Variants in PRKN observed in about 807,000 individuals in gnomAD.
The protein encoded by PRKN is parkin RBR E3 ubiquitin protein ligase.
PRKN carries 56 observed loss-of-function variants against 59.5 expected under a neutral mutation model. The observed-to-expected ratio is 0.94, with a 90% CI of 0.76 to 1.18. The LOEUF is 1.18. Ranked by LOEUF, PRKN falls within the 50% of genes most tolerant of loss-of-function variation. The probability of loss-of-function intolerance (pLI) is 0.00; values close to 1 mark genes in which losing one functional copy is unlikely to be tolerated. For missense variants in PRKN, 657 were observed against 596.4 expected, an observed-to-expected ratio of 1.10 and a Z score of -1.06; for synonymous variants, 250 against 222.1, an observed-to-expected ratio of 1.13 and a Z score of -1.12.
At position 162,262,827 on chromosome 6, in the gene PRKN, A is replaced by G. The variant is rs1779955022; in HGVS notation, c.172-62T>C. The G allele has an allele frequency of 1.5e-5, 23 of 1,585,010 alleles. 1 individual carries two copies. In the South Asian group the frequency reaches 2.5e-4, roughly 17 times the overall value. On this transcript the variant is annotated intron_variant, in intron 2 of 11. Coordinates refer to ENST00000366898, the MANE Select transcript of PRKN (RefSeq NM_004562.3). ...AAGGAAATGTCAAACATGAAATGCG[A>G]GATAGAGTTTAACTTGCCCTCCGTG...
At chr6:162,353,403 C>T (rs578235646) in intron 2 of PRKN, among the ~76,000 whole-genome samples, 46 of 151,730 alleles carry the variant, frequency 3.0e-4, no homozygotes, top group African/African-American at 1.0e-3. Context: ...AGCAGCTATT[C>T]TTTCACATAT....
intron 1 of PRKN, among the ~76,000 whole-genome samples, chr6:162,697,891 A>C (rs1318478992): frequency 2.0e-5 from 3 of 152,222 alleles, no homozygotes; most frequent in Non-Finnish European, 2.9e-5. Flanking sequence ...CAATTGGATA[A>C]GCAATGAATA....
chr6:161,600,866 G>A (rs1782080087), intron 7 of PRKN, among the ~76,000 whole-genome samples: 1 of 151,928 alleles, frequency 6.6e-6, no homozygotes, highest in Admixed American at 6.6e-5. Flanking sequence ...ACAGGTCAGG[G>A]CAAAAATTAG....
chr6:161,763,169 A>T (rs1247236597), intron 7 of PRKN, among the ~76,000 whole-genome samples: 1 of 152,148 alleles, frequency 6.6e-6, no homozygotes, highest in Non-Finnish European at 1.5e-5. Context: ...GAATCACGCA[A>T]ATGTCTTTGA....
chr6:162,109,497 A>C (rs1780332063), intron 4 of PRKN, among the ~76,000 whole-genome samples: 1 of 152,208 alleles, frequency 6.6e-6, no homozygotes, highest in South Asian at 2.1e-4. Flanking sequence ...CAGAGATGAT[A>C]CAGGGACCAG....
chr6:162,303,029 T>C (rs1782037730), intron 2 of PRKN, among the ~76,000 whole-genome samples: 1 of 148,212 alleles, frequency 6.7e-6, no homozygotes. Context: ...AGAAAGCAGT[T>C]ACGTGACTTT....
chr6:162,102,560 T>C (rs1343423913), intron 4 of PRKN, among the ~76,000 whole-genome samples: 3 of 152,210 alleles, frequency 2.0e-5, no homozygotes, highest in Non-Finnish European at 4.4e-5. Flanking sequence ...TGCTGCATTC[T>C]GGAGACGACC....
rs982316 is a variant in PRKN, at chr6:161,554,734, G to A, written c.934-5731C>T. The stretch of plus-strand genomic sequence containing the variant: ...GGATTGTGTGTGTGTGTGTGTGTGT[G>A]TATATATATATATATATATACATAC... On this transcript the variant is annotated intron_variant, in intron 8 of 11. Coordinates refer to ENST00000366898, the MANE Select transcript of PRKN (RefSeq NM_004562.3). The surrounding 1 kb of genome is among the most constrained non-coding windows in gnomAD (Gnocchi z 4.5). Among the ~76,000 whole-genome samples, 55,943 of 140,526 alleles carry A rather than the reference G, an allele frequency of 0.4. 12,184 individuals are homozygous for A. Among genetic ancestry groups the A allele is most frequent in the East Asian group, 0.62 (2,975 of 4,794 alleles). 92.2% of individuals were successfully genotyped at this position (140,526 alleles called of 152,430 possible).
intron 4 of PRKN, among the ~76,000 whole-genome samples, chr6:162,106,175 G>A (rs1780186177): frequency 6.6e-6 from 1 of 152,208 alleles, no homozygotes; most frequent in Non-Finnish European, 1.5e-5. Flanking sequence ...GTAAGTACGG[G>A]AAGAGGATGG....
intron 7 of PRKN, among the ~76,000 whole-genome samples, chr6:161,708,055 G>A (rs541920268): frequency 4.6e-5 from 7 of 152,052 alleles, no homozygotes; most frequent in Admixed American, 6.6e-5. Context: ...TTAGTGTCTA[G>A]AATCATACCT....
At chr6:162,122,777 T>C (rs1780969850) in intron 4 of PRKN, among the ~76,000 whole-genome samples, 1 of 151,808 alleles carries the variant, frequency 6.6e-6, no homozygotes, top group Admixed American at 6.6e-5. Flanking sequence ...ATATTTGAAT[T>C]CTTATATATG....
Position 161,491,710 on chromosome 6 carries a change from A to G in PRKN, c.1083+57144T>C, listed in dbSNP as rs1328552227. Among the ~76,000 whole-genome samples, 3 of 151,896 alleles carry G rather than the reference A, an allele frequency of 2.0e-5. No homozygotes were observed. The East Asian group carries it at 5.8e-4, about 30-fold the overall frequency. On this transcript the variant is annotated intron_variant, in intron 9 of 11. Transcript: ENST00000366898. ...CAATGGCGCGATCTTGGCTCACTGGAACCTCTGCCTCCCAGGTTCAAGCAA... is the reference window on the plus strand; with the variant it reads ...CAATGGCGCGATCTTGGCTCACTGGGACCTCTGCCTCCCAGGTTCAAGCAA...
At chr6:162,431,531 C>A (rs1240837680) in intron 2 of PRKN, among the ~76,000 whole-genome samples, 1 of 151,934 alleles carries the variant, frequency 6.6e-6, no homozygotes, top group Non-Finnish European at 1.5e-5. Context: ...GCACTCCAGC[C>A]TGGGCTACAG....
intron 9 of PRKN, among the ~76,000 whole-genome samples, chr6:161,412,111 T>C (rs1787590965): frequency 1.3e-5 from 2 of 149,694 alleles, no homozygotes; most frequent in African/African-American, 5.0e-5. Flanking sequence ...ACTCACTCAT[T>C]CCTCCACTCA....
chr6:161,972,397 C>T (rs1445776244), intron 6 of PRKN, among the ~76,000 whole-genome samples: 2 of 152,080 alleles, frequency 1.3e-5, no homozygotes, highest in Non-Finnish European at 2.9e-5. Context: ...TCTGTCCATT[C>T]GGAAAGTGTA....
chr6:162,020,037 T>A (rs1582904681), intron 5 of PRKN, among the ~76,000 whole-genome samples: 1 of 148,776 alleles, frequency 6.7e-6, no homozygotes, highest in Non-Finnish European at 1.5e-5. Flanking sequence ...AAAAAAAAAA[T>A]ATCACAAAGT....
chr6:161,915,047 G>A (rs1417159289), intron 6 of PRKN, among the ~76,000 whole-genome samples: 1 of 152,188 alleles, frequency 6.6e-6, no homozygotes, highest in Non-Finnish European at 1.5e-5. Context: ...CACTTTGGGA[G>A]GCTGAGACAG....
chr6:162,680,152 C>A (rs1219345322), intron 1 of PRKN, among the ~76,000 whole-genome samples: 3 of 150,820 alleles, frequency 2.0e-5, no homozygotes, highest in African/African-American at 7.3e-5. Flanking sequence ...TACATATACA[C>A]TTAATATATA....
At chr6:161,894,615 T>C (rs780649020) in intron 6 of PRKN, among the ~76,000 whole-genome samples, 15 of 152,210 alleles carry the variant, frequency 9.9e-5, no homozygotes, top group Non-Finnish European at 2.1e-4. Context: ...GTCTGGAATA[T>C]GCTCCTTGCG....
Sources: gnomAD v4.1 joint callset for allele counts (sites outside exome capture counted in the v4.1 genomes callset) on GRCh38, gnomAD v4.1.1 for gene constraint, Gnocchi (gnomAD v3.1) non-coding constraint, MANE v1.5 for transcripts, NCBI Gene and HGNC (gene_info 2026-07-23, HGNC 2026-07-21) for gene names.